Variants in NLGN1 observed in about 807,000 individuals in gnomAD.
NLGN1 encodes neuroligin 1, also known as neuroligin-1.
A neutral mutation model predicts 65.5 loss-of-function variants in NLGN1; 12 were observed. The observed-to-expected ratio is 0.18, with a 90% confidence interval of 0.12 to 0.30. The LOEUF is 0.30. Among genes scored for constraint, NLGN1 ranks in the 10% least tolerant of loss-of-function variants. The pLI is 1.00. For missense variants in NLGN1, 750 were observed against 1,007.1 expected (o/e 0.74, Z 3.46); for synonymous variants, 350 against 359.5 (o/e 0.97, Z 0.30).
chr3:173,589,597 TTTTC>T (rs1352066295), intron 2 of NLGN1, among the ~76,000 whole-genome samples: 1 of 152,204 alleles, frequency 6.6e-6, no homozygotes, highest in African/African-American at 2.4e-5. Flanking sequence ...TAGAATGTGA[TTTTC>T]TTATATTTTG....
intron 3 of NLGN1, among the ~76,000 whole-genome samples, chr3:173,749,743 C>G (rs963011313): frequency 2.0e-5 from 3 of 151,908 alleles, no homozygotes; most frequent in Non-Finnish European, 4.4e-5. Context: ...ATTATTATAA[C>G]CTATTAAACA....
chr3:174,108,283 A>G lies in NLGN1; in HGVS notation c.647-167032A>G, dbSNP rs140899670. Among the ~76,000 whole-genome samples the G allele has an allele frequency of 5.2e-4, 79 of 151,972 alleles. No homozygotes were observed. In the East Asian group the frequency reaches 0.015, roughly 28 times the overall value. On this transcript the variant is annotated intron_variant, in intron 4 of 6. Coordinates refer to ENST00000457714, the Ensembl canonical transcript of NLGN1. Reference sequence around the variant, plus strand: ...TGTTATAAGTCTGCCACCAATTTTGAGTTAATTTTTGTATAAGATGTGAAA... The same window carrying G: ...TGTTATAAGTCTGCCACCAATTTTGGGTTAATTTTTGTATAAGATGTGAAA...
chr3:174,042,747 A>G (rs534529668), intron 4 of NLGN1, among the ~76,000 whole-genome samples: 139 of 152,300 alleles, frequency 9.1e-4, no homozygotes, highest in African/African-American at 3.2e-3. Flanking sequence ...ATGTCCACTT[A>G]AAGATAAGGA....
intron 4 of NLGN1, among the ~76,000 whole-genome samples, chr3:174,015,381 A>G (rs1726347918): frequency 6.6e-6 from 1 of 152,174 alleles, no homozygotes; most frequent in African/African-American, 2.4e-5. Flanking sequence ...TTTCCGGCTT[A>G]CAGATGGCTG....
intron 4 of NLGN1, among the ~76,000 whole-genome samples, chr3:174,273,884 T>G (rs1024400638): frequency 6.6e-6 from 1 of 151,040 alleles, no homozygotes; most frequent in Non-Finnish European, 1.5e-5. Context: ...CCTAGAGAAT[T>G]TCTTATCCAT....
At chr3:173,583,329 C>T (rs894077871) in intron 2 of NLGN1, among the ~76,000 whole-genome samples, 5 of 152,214 alleles carry the variant, frequency 3.3e-5, no homozygotes, top group Non-Finnish European at 7.3e-5. Context: ...CATATTGATT[C>T]TCCCATCCAG....
intron 2 of NLGN1, among the ~76,000 whole-genome samples, chr3:173,527,535 C>T (rs1577111048): frequency 6.6e-6 from 1 of 152,048 alleles, no homozygotes; most frequent in Non-Finnish European, 1.5e-5. Context: ...GTAGCTGGGA[C>T]TACAGGCGCC....
At chr3:174,211,820 CAG>C (rs1736633279) in intron 4 of NLGN1, among the ~76,000 whole-genome samples, 1 of 152,220 alleles carries the variant, frequency 6.6e-6, no homozygotes, top group African/African-American at 2.4e-5. Flanking sequence ...GAGCTAAACA[CAG>C]GGTGCTGATT....
intron 3 of NLGN1, among the ~76,000 whole-genome samples, chr3:173,756,891 A>C (rs542450630): frequency 2.6e-5 from 4 of 152,044 alleles, no homozygotes; most frequent in African/African-American, 4.8e-5. Context: ...AAGAAAATTG[A>C]CTGATGTTTA....
intron 4 of NLGN1, among the ~76,000 whole-genome samples, chr3:173,840,844 T>G (rs1211679913): frequency 6.6e-6 from 1 of 152,148 alleles, no homozygotes; most frequent in Non-Finnish European, 1.5e-5. Flanking sequence ...CCTCAAAAGC[T>G]TTTACTAGAT....
chr3:174,060,095 A>G (rs925648660), intron 4 of NLGN1, among the ~76,000 whole-genome samples: 1 of 152,142 alleles, frequency 6.6e-6, no homozygotes, highest in Non-Finnish European at 1.5e-5. Context: ...AAATTCAGAG[A>G]CTTTTTACAA....
At chr3:173,744,933 C>T (rs1578223510) in intron 3 of NLGN1, among the ~76,000 whole-genome samples, 1 of 151,944 alleles carries the variant, frequency 6.6e-6, no homozygotes, top group Non-Finnish European at 1.5e-5. Flanking sequence ...ACTCTTTGTC[C>T]GCACTGTCAA....
chr3:173,694,073 C>T (rs1765848133), intron 3 of NLGN1, among the ~76,000 whole-genome samples: 1 of 151,866 alleles, frequency 6.6e-6, no homozygotes, highest in Non-Finnish European at 1.5e-5. Flanking sequence ...AACTGAATCC[C>T]AAAGTATCAA....
intron 4 of NLGN1, among the ~76,000 whole-genome samples, chr3:173,870,607 A>C (rs772572989): frequency 6.6e-6 from 1 of 152,230 alleles, no homozygotes; most frequent in Non-Finnish European, 1.5e-5. Flanking sequence ...AGAATGTATC[A>C]ATAGAATGGT....
chr3:173,998,414 T>C (rs1289421956), intron 4 of NLGN1, among the ~76,000 whole-genome samples: 1 of 152,200 alleles, frequency 6.6e-6, no homozygotes, highest in Non-Finnish European at 1.5e-5. Context: ...TAATTCGTAA[T>C]GTTCTGACTT....
chr3:174,190,203 G>A (rs1192744228), intron 4 of NLGN1, among the ~76,000 whole-genome samples: 5 of 151,966 alleles, frequency 3.3e-5, no homozygotes, highest in Non-Finnish European at 7.4e-5. Context: ...TTTTGTTTGT[G>A]TTTTCAAATG....
At chr3:173,472,177 A>T (rs532311962) in intron 2 of NLGN1, among the ~76,000 whole-genome samples, 1 of 152,296 alleles carries the variant, frequency 6.6e-6, no homozygotes, top group Non-Finnish European at 1.5e-5. Context: ...TGCTGATTAC[A>T]TTAAAGTAAG....
chr3:173,509,432 G>A (rs111284675), intron 2 of NLGN1, among the ~76,000 whole-genome samples: 2,469 of 152,010 alleles, frequency 0.016, 76 homozygotes, highest in African/African-American at 0.057. Flanking sequence ...GGGTAACATG[G>A]TGAAACCCCA....
Position 173,802,840 on chromosome 3 carries a change from A to G in NLGN1, c.494-4840A>G, listed in dbSNP as rs1391631483. On this transcript the variant is annotated intron_variant, in intron 3 of 6. Transcript: ENST00000457714. ...TACAAAAAGATATACAAAAGAATGT[A>G]TATCTTTTTTTTTTTTTTTGACAGA... Among the ~76,000 whole-genome samples the G allele has an allele frequency of 1.3e-5, 2 of 150,642 alleles. 1 individual carries two copies. The highest frequency in any genetic ancestry group is 2.9e-5 in the Non-Finnish European group (2 of 67,886).
Sources: allele counts gnomAD v4.1 joint callset (sites outside exome capture counted in the v4.1 genomes callset), GRCh38; gene constraint gnomAD v4.1.1; transcripts MANE v1.5; gene names NCBI Gene and HGNC (gene_info 2026-07-23, HGNC 2026-07-21).